The following KIF15 variants were observed in gnomAD, a reference collection of about 807,000 sequenced individuals.
The protein encoded by KIF15 is kinesin-like protein KIF15.
A neutral mutation model predicts 190.6 loss-of-function variants in KIF15; 140 were observed. The observed-to-expected ratio is 0.73, with a 90% CI of 0.64 to 0.84. The LOEUF (loss-of-function observed/expected upper bound fraction) is 0.84, where lower values mean the gene tolerates loss of function less well. KIF15 is among the 40% of genes least tolerant of loss of function. KIF15 has a pLI of 0.00. For missense variants in KIF15, 1,372 were observed against 1,584.4 expected, an observed-to-expected ratio of 0.87 and a Z score of 2.28; for synonymous variants, 528 against 551.3, an observed-to-expected ratio of 0.96 and a Z score of 0.59.
At chr3:44,798,328 A>G (rs1287866919) in intron 10 of KIF15, among the ~76,000 whole-genome samples, 2 of 150,478 alleles carry the variant, frequency 1.3e-5, no homozygotes, top group African/African-American at 4.9e-5. Context: ...ATGCCAGGCT[A>G]ATTTTTTTAT....
chr3:44,777,532 AAAT>A (rs1705950031), intron 3 of KIF15, among the ~76,000 whole-genome samples: 1 of 152,138 alleles, frequency 6.6e-6, no homozygotes, highest in African/African-American at 2.4e-5. Flanking sequence ...TTTCTACTAA[AAAT>A]AAAAAATTAG....
chr3:44,825,616 G>A (rs1287557133), intron 20 of KIF15, among the ~76,000 whole-genome samples: 1 of 152,212 alleles, frequency 6.6e-6, no homozygotes, highest in Non-Finnish European at 1.5e-5. Context: ...TGTTCCTAGA[G>A]CTGAGAGGAT....
In KIF15 at chr3:44,843,252, G is replaced by T. The variant is rs1244479474; in HGVS notation, c.3695+18G>T. On this transcript the variant is annotated intron_variant, in intron 30 of 34. Transcript: ENST00000326047. The stretch of plus-strand genomic sequence containing the variant: ...GAAAACAGGTGAGAAAGAACCACGA[G>T]AACTCTATGGGCTAAATCTTGGCCT... 1 of 1,523,482 alleles carries T rather than the reference G, an allele frequency of 6.6e-7. No individual in the cohort carries two copies. The highest frequency in any genetic ancestry group is 9.1e-7 in the Non-Finnish European group (1 of 1,100,226). The allele number at this position is 1,523,482 out of a possible 1,614,324, so 94.4% of individuals were successfully genotyped here.
intron 5 of KIF15, among the ~76,000 whole-genome samples, chr3:44,783,199 A>G (rs962281865): frequency 1.3e-5 from 2 of 152,116 alleles, no homozygotes; most frequent in Admixed American, 1.3e-4. Flanking sequence ...GTAATTTATA[A>G]AGAAAAGAGG....
chr3:44,812,561 C>T (rs965470732), intron 18 of KIF15, among the ~76,000 whole-genome samples: 8 of 152,178 alleles, frequency 5.3e-5, no homozygotes, highest in African/African-American at 1.7e-4. Flanking sequence ...GGATCCCTTG[C>T]TATGTGTTTA....
At chr3:44,807,869 G>T (rs1707588307) in intron 16 of KIF15, among the ~76,000 whole-genome samples, 1 of 151,704 alleles carries the variant, frequency 6.6e-6, no homozygotes, top group Non-Finnish European at 1.5e-5. Context: ...GAAAATGCTG[G>T]GTTTTTTCCT....
At position 44,805,914 on chromosome 3, in the gene KIF15, T is replaced by C. The variant is rs1707474881; in HGVS notation, c.1899T>C (p.Leu633=). 3 of 1,614,038 alleles carry C rather than the reference T, an allele frequency of 1.9e-6. No homozygotes were observed. Among genetic ancestry groups the C allele is most frequent in the African/African-American group, 1.3e-5 (1 of 74,926 alleles). Residue 633 remains leucine (L), a synonymous_variant, in exon 16 of 35, where the codon CTT becomes CTC. Coordinates refer to ENST00000326047, the MANE Select transcript of KIF15 (RefSeq NM_020242.3). The part of the protein sequence containing the change: ...LQKANLNLEN[L]LEATKACKRQ... The stretch of plus-strand genomic sequence containing the variant: ...AAGCGAACCTTAATCTTGAAAACCT[T>C]TTGGAAGCAACAAAAGCCTGCAAGC...
chr3:44,806,279 A>G (rs751685039), intron 16 of KIF15, among the ~76,000 whole-genome samples: 3 of 152,224 alleles, frequency 2.0e-5, no homozygotes, highest in Non-Finnish European at 4.4e-5. Flanking sequence ...TAAATTGGAA[A>G]TGAAGGTAAT....
intron 1 of KIF15, among the ~76,000 whole-genome samples, chr3:44,762,241 G>A (rs1418270629): frequency 6.6e-6 from 1 of 152,168 alleles, no homozygotes; most frequent in Non-Finnish European, 1.5e-5. Context: ...CTTGTCTCAG[G>A]ATCGGCTTTT....
chr3:44,813,050 A>T (rs779758994), intron 18 of KIF15, 25 bp from the exon 19 acceptor site: 3 of 1,388,888 alleles, frequency 2.2e-6, no homozygotes, highest in Non-Finnish European at 3.0e-6. Flanking sequence ...TTCCTTTTCC[A>T]GTAAATTTAT....
At chr3:44,829,767 TTA>T (rs1243758725) in intron 24 of KIF15, among the ~76,000 whole-genome samples, 1 of 141,006 alleles carries the variant, frequency 7.1e-6, no homozygotes, top group Admixed American at 7.5e-5. Flanking sequence ...TGTATATATA[TTA>T]TAGATGTATA....
At chr3:44,816,890 C>G (rs143202234) in intron 20 of KIF15, among the ~76,000 whole-genome samples, 2,841 of 152,310 alleles carry the variant, frequency 0.019, 76 homozygotes, top group African/African-American at 0.064. Context: ...TCCACATCCT[C>G]TCCAGCATCT....
rs1038625811 is a variant in KIF15 at position 44,827,265 on chromosome 3, G to T, written c.2787-194G>T. ...AACACTCTGAGGAAAAACAGTCATG[G>T]CACAAAAATGGGTTCTCATTGAATA... On this transcript the variant is annotated intron_variant, in intron 22 of 34. Transcript: ENST00000326047. 7.2e-5 allele frequency: 38 copies of T among 528,282 alleles called. No homozygotes were observed. The South Asian group carries it at 8.8e-4, about 12-fold the overall frequency. 32.7% of individuals were successfully genotyped at this position (528,282 alleles called of 1,614,324 possible).
downstream of KIF15, among the ~76,000 whole-genome samples, chr3:44,855,332 G>C (rs1371284793): frequency 6.6e-6 from 1 of 152,128 alleles, no homozygotes; most frequent in African/African-American, 2.4e-5. Flanking sequence ...GATCAGTTAG[G>C]GTAGGGCAGA....
At chr3:44,776,997 T>C (rs1705920726) in intron 3 of KIF15, among the ~76,000 whole-genome samples, 1 of 149,886 alleles carries the variant, frequency 6.7e-6, no homozygotes, top group East Asian at 2.0e-4. Flanking sequence ...CAGATTTTTT[T>C]TTTTTTTTTT....
chr3:44,804,010 G>A (rs1190205371), intron 14 of KIF15, among the ~76,000 whole-genome samples: 1 of 152,008 alleles, frequency 6.6e-6, no homozygotes, highest in African/African-American at 2.4e-5. Flanking sequence ...ACCACACCGA[G>A]CCAATTTTTG....
intron 6 of KIF15, chr3:44,865,409 T>C (rs1478114692): frequency 2.0e-5 from 11 of 546,648 alleles, no homozygotes; most frequent in Non-Finnish European, 3.2e-5. Context: ...GGATTCTTCC[T>C]CCCAGGCCTA....
intron 8 of KIF15, among the ~76,000 whole-genome samples, chr3:44,794,801 A>G (rs1297224230): frequency 6.6e-6 from 1 of 152,094 alleles, no homozygotes; most frequent in African/African-American, 2.4e-5. Context: ...CTCTACTAAA[A>G]AAATACAAAA....
intron 6 of KIF15, among the ~76,000 whole-genome samples, chr3:44,868,356 C>G (rs1252586713): frequency 6.6e-6 from 1 of 151,738 alleles, no homozygotes; most frequent in Non-Finnish European, 1.5e-5. Flanking sequence ...TTTATACATT[C>G]ATCTTTTGAT....
Sources: allele counts gnomAD v4.1 joint callset (sites outside exome capture counted in the v4.1 genomes callset), GRCh38; gene constraint gnomAD v4.1.1; transcripts MANE v1.5; gene names NCBI Gene and HGNC (gene_info 2026-07-23, HGNC 2026-07-21).